The following KCNQ5 variants were observed in gnomAD, a reference collection of about 807,000 sequenced individuals.
KCNQ5 encodes potassium voltage-gated channel subfamily Q member 5.
KCNQ5 carries 30 observed loss-of-function variants against 98.2 expected under a neutral mutation model. The ratio of observed to expected loss-of-function variants is 0.31; its 90% CI spans 0.23 to 0.41. The LOEUF is 0.41. KCNQ5 is among the 10% of genes least tolerant of loss of function. KCNQ5 has a pLI of 1.00. For missense variants in KCNQ5, 835 were observed against 1,182.5 expected (o/e 0.71, Z 4.31); for synonymous variants, 458 against 449.4 (o/e 1.02, Z -0.24).
intron 1 of KCNQ5, among the ~76,000 whole-genome samples, chr6:72,835,745 T>A (rs1356386102): frequency 1.3e-5 from 2 of 152,190 alleles, no homozygotes; most frequent in East Asian, 3.8e-4. Context: ...AACCTGAAAG[T>A]GGCACATTTC....
chr6:73,152,959 G>T (rs1392114502), intron 10 of KCNQ5, among the ~76,000 whole-genome samples: 1 of 152,150 alleles, frequency 6.6e-6, no homozygotes, highest in Admixed American at 6.5e-5. Flanking sequence ...TTTAATACCT[G>T]TCCTTTGACT....
chr6:73,152,667 T>C (rs1777198737), intron 10 of KCNQ5, among the ~76,000 whole-genome samples: 1 of 152,206 alleles, frequency 6.6e-6, no homozygotes, highest in African/African-American at 2.4e-5. Flanking sequence ...TTTCTCATAA[T>C]AAAATGTTGG....
intron 1 of KCNQ5, among the ~76,000 whole-genome samples, chr6:72,851,802 A>C (rs1407490192): frequency 6.6e-6 from 1 of 152,118 alleles, no homozygotes; most frequent in Non-Finnish European, 1.5e-5. Context: ...TGTTTGGTAA[A>C]ATTTTATTTT....
chr6:72,627,630 A>C lies in KCNQ5; in HGVS notation c.398+5043A>C, dbSNP rs965509263. Reference sequence around the variant, plus strand: ...TCAAGTGGACTGAGGAGTGGTTAAGACTTGGGAAAATGGACCCAGTAGTGT... The same window carrying C: ...TCAAGTGGACTGAGGAGTGGTTAAGCCTTGGGAAAATGGACCCAGTAGTGT... On this transcript the variant is annotated intron_variant, in intron 1 of 13. Transcript: ENST00000370398. Among the ~76,000 whole-genome samples the C allele has an allele frequency of 2.6e-5, 4 of 152,146 alleles. No individual in the cohort carries two copies. The South Asian group carries it at 8.3e-4, about 32-fold the overall frequency.
At chr6:73,130,767 A>G (rs990529006) in intron 9 of KCNQ5, among the ~76,000 whole-genome samples, 9 of 152,212 alleles carry the variant, frequency 5.9e-5, no homozygotes, top group African/African-American at 2.2e-4. Flanking sequence ...TAATAAAGTG[A>G]GCTTTTTGTA....
chr6:73,138,328 C>T (rs1776555783), intron 10 of KCNQ5, among the ~76,000 whole-genome samples: 1 of 152,164 alleles, frequency 6.6e-6, no homozygotes, highest in South Asian at 2.1e-4. Context: ...TAAGGTAGAG[C>T]TAGGAGAAAA....
intron 1 of KCNQ5, among the ~76,000 whole-genome samples, chr6:72,871,659 A>T (rs1404263038): frequency 1.3e-5 from 2 of 152,196 alleles, no homozygotes; most frequent in African/African-American, 4.8e-5. Flanking sequence ...CTAAATGTAA[A>T]CTAAAAGCCA....
intron 3 of KCNQ5, among the ~76,000 whole-genome samples, chr6:73,058,906 A>G (rs1311790035): frequency 6.6e-6 from 1 of 152,212 alleles, no homozygotes; most frequent in Non-Finnish European, 1.5e-5. Context: ...TAAAAAGTCA[A>G]AAAATAACAG....
intron 3 of KCNQ5, among the ~76,000 whole-genome samples, chr6:73,046,492 G>A (rs1771960381): frequency 6.6e-6 from 1 of 151,776 alleles, no homozygotes; most frequent in Non-Finnish European, 1.5e-5. Flanking sequence ...TATTTATTGA[G>A]AACTACTATA....
intron 1 of KCNQ5, among the ~76,000 whole-genome samples, chr6:72,871,756 C>T (rs1266061213): frequency 6.6e-6 from 1 of 152,188 alleles, no homozygotes; most frequent in Non-Finnish European, 1.5e-5. Context: ...TACTCTGACT[C>T]TGTACATAAA....
At chr6:72,962,546 G>C (rs1265812894) in intron 1 of KCNQ5, among the ~76,000 whole-genome samples, 4 of 152,128 alleles carry the variant, frequency 2.6e-5, no homozygotes, top group Admixed American at 1.3e-4. Flanking sequence ...AACAGAGAGA[G>C]AAGCCATGTC....
Position 72,936,518 on chromosome 6 carries a change from T to G in KCNQ5, c.399-67390T>G, listed in dbSNP as rs998061685. Among the ~76,000 whole-genome samples the G allele has an allele frequency of 3.5e-4, 53 of 152,292 alleles. 1 individual carries two copies. Among genetic ancestry groups the G allele is most frequent in the African/African-American group, 1.3e-3 (53 of 41,564 alleles). ...CTTCAACTTTAACATTAAATTTAAT[T>G]CAAAGATCTAAGTGAGGGGTTTTCC... On this transcript the variant is annotated intron_variant, in intron 1 of 13. Coordinates refer to ENST00000370398, the MANE Select transcript of KCNQ5 (RefSeq NM_019842.4).
intron 10 of KCNQ5, among the ~76,000 whole-genome samples, chr6:73,156,999 C>T (rs1483830933): frequency 6.6e-6 from 1 of 152,154 alleles, no homozygotes; most frequent in East Asian, 1.9e-4. Context: ...TCGGGCCTCC[C>T]TGAAGCGTGG....
intron 1 of KCNQ5, chr6:72,630,505 G>T (rs1565042896): frequency 2.0e-5 from 3 of 152,184 alleles, no homozygotes; most frequent in Admixed American, 2.0e-4. Flanking sequence ...TTCAAAGAAA[G>T]GAACGATGTG....
intron 3 of KCNQ5, among the ~76,000 whole-genome samples, chr6:73,045,730 A>C (rs1771931284): frequency 6.6e-6 from 1 of 152,232 alleles, no homozygotes; most frequent in Non-Finnish European, 1.5e-5. Flanking sequence ...AACTTGGGTC[A>C]CAATAATGAG....
intron 1 of KCNQ5, among the ~76,000 whole-genome samples, chr6:72,655,026 G>GTCTTTCTTTCTTTCTT (rs55711635): frequency 3.6e-4 from 38 of 105,880 alleles, no homozygotes; most frequent in Non-Finnish European, 5.6e-4. Context: ...AGGTCTGTCT[G>GTCTTTCTTTCTTTCTT]TCTTTCTTTC....
At chr6:72,707,468 T>A (rs569324788) in intron 1 of KCNQ5, among the ~76,000 whole-genome samples, 1 of 152,314 alleles carries the variant, frequency 6.6e-6, no homozygotes, top group Non-Finnish European at 1.5e-5. Context: ...TATATCTGGA[T>A]TCAGTAGGGA....
At chr6:72,928,241 C>T (rs1023836480) in intron 1 of KCNQ5, among the ~76,000 whole-genome samples, 1 of 151,994 alleles carries the variant, frequency 6.6e-6, no homozygotes, top group Non-Finnish European at 1.5e-5. Context: ...AGTAATATGA[C>T]TTTGCTTTTA....
intron 11 of KCNQ5, among the ~76,000 whole-genome samples, chr6:73,179,705 TA>T (rs200537137): frequency 1.6e-5 from 1 of 64,326 alleles, no homozygotes; most frequent in South Asian, 3.6e-4. Flanking sequence ...AGAAACTTAA[TA>T]ATATCCCCAT....
Sources: gnomAD v4.1 joint callset for allele counts (sites outside exome capture counted in the v4.1 genomes callset) on GRCh38, gnomAD v4.1.1 for gene constraint, MANE v1.5 for transcripts, NCBI Gene and HGNC (gene_info 2026-07-23, HGNC 2026-07-21) for gene names.